Variants in ZC3H3 observed in about 807,000 individuals in gnomAD.
ZC3H3 encodes zinc finger CCCH domain-containing protein 3.
Under a neutral mutation model 77.3 loss-of-function variants are expected in ZC3H3, and 36 were observed. That is an observed-to-expected ratio of 0.47 (90% confidence interval 0.36 to 0.61). The LOEUF is 0.61. ZC3H3 is among the 20% of genes least tolerant of loss of function. ZC3H3 has a pLI of 0.00. For synonymous variants in ZC3H3, 626 were observed against 555.2 expected (o/e 1.13, Z -1.79); for missense variants, 1,331 against 1,312.2 (o/e 1.01, Z -0.22).
intron 9 of ZC3H3, among the ~76,000 whole-genome samples, chr8:143,453,901 G>A (rs1586879440): frequency 6.6e-6 from 1 of 152,144 alleles, no homozygotes; most frequent in Non-Finnish European, 1.5e-5. Flanking sequence ...GACACCACCA[G>A]CAGACGTGGA....
At chr8:143,444,038 G>A (rs539693220) in intron 9 of ZC3H3, among the ~76,000 whole-genome samples, 37 of 149,360 alleles carry the variant, frequency 2.5e-4, no homozygotes, top group Admixed American at 2.1e-3. Flanking sequence ...GCAGTGGCAC[G>A]ATCTCGGCTC....
rs573133988 is a variant in ZC3H3 at position 143,460,249 on chromosome 8, A to AAAGTAAAT, written c.2307+5467_2307+5468insATTTACTT. Among the ~76,000 whole-genome samples, 1 of 144,224 alleles carries AAAGTAAAT rather than the reference A, an allele frequency of 6.9e-6. No individual in the cohort carries two copies. Among genetic ancestry groups the AAAGTAAAT allele is most frequent in the East Asian group, 2.0e-4 (1 of 4,906 alleles). The allele number at this position is 144,224 out of a possible 152,430, so 94.6% of individuals were successfully genotyped here. A position where few individuals can be genotyped will look rare whatever the true frequency, so the allele number is the denominator to read the frequency against. On this transcript the variant is annotated intron_variant, in intron 9 of 11. Transcript: ENST00000262577. This position sits in a 1 kb window ranked among gnomAD's most constrained non-coding sequence, Gnocchi z 4.0. ...GGCGACAGAGTGAGACTATGTCTCA[A>AAAGTAAAT]AAATAAATAAATAAATAAATAAATA...
intron 4 of ZC3H3, among the ~76,000 whole-genome samples, chr8:143,489,456 AGCCCCGCCCACCACCGCCTG>A (rs372090146): frequency 2.8e-4 from 43 of 152,176 alleles, no homozygotes; most frequent in African/African-American, 9.9e-4. Context: ...TGGGCCACGG[AGCCCCGCCCACCACCGCCTG>A]GCCCCGCCCA....
chr8:143,480,810 G>C (rs1394448505), intron 4 of ZC3H3, among the ~76,000 whole-genome samples: 1 of 152,218 alleles, frequency 6.6e-6, no homozygotes, highest in Non-Finnish European at 1.5e-5. Flanking sequence ...CTGGTAGTCA[G>C]CGTGACTGGC....
intron 3 of ZC3H3, among the ~76,000 whole-genome samples, chr8:143,529,455 G>A (rs900942943): frequency 2.0e-5 from 3 of 152,188 alleles, no homozygotes; most frequent in Non-Finnish European, 2.9e-5. Context: ...AGAAAGGATC[G>A]TGTGCACAGG....
chr8:143,478,709 C>T (rs1177352228), intron 4 of ZC3H3, among the ~76,000 whole-genome samples: 1 of 152,182 alleles, frequency 6.6e-6, no homozygotes, highest in Non-Finnish European at 1.5e-5. Context: ...GGTGTTTCAC[C>T]CCATTGGCCA....
chr8:143,438,173 C>T (rs995118088), intron 11 of ZC3H3, 86 bp from the exon 12 acceptor site: 154 of 1,526,752 alleles, frequency 1.0e-4, no homozygotes, highest in Non-Finnish European at 1.3e-4. Flanking sequence ...GGCTCAGGAT[C>T]GGGGGGCTCT....
chr8:143,440,303 C>T lies in ZC3H3; in HGVS notation c.2553G>A (p.Ala851=), dbSNP rs201741379. ...AGTGGGGAGGTGCAGCCACGGCAGCCGCAGTGAGGGCAGCCGAGCTGGGCG... is the reference window on the plus strand; with the variant it reads ...AGTGGGGAGGTGCAGCCACGGCAGCTGCAGTGAGGGCAGCCGAGCTGGGCG... ...RQTPSSAALT[A]AAVAAPPHCP... is the part of the protein sequence containing the mutation. Residue 851 remains alanine, a synonymous_variant, in exon 11 of 12, where the codon GCG becomes GCA. Transcript: ENST00000262577. 1.2e-5 allele frequency: 19 copies of T among 1,564,288 alleles called. No individual in the cohort carries two copies. Among genetic ancestry groups the T allele is most frequent in the Non-Finnish European group, 1.5e-5 (17 of 1,152,388 alleles).
chr8:143,488,975 G>A (rs1227979854), intron 4 of ZC3H3, among the ~76,000 whole-genome samples: 3 of 152,240 alleles, frequency 2.0e-5, no homozygotes, highest in Non-Finnish European at 4.4e-5. Flanking sequence ...CGTGGCTGCT[G>A]ACGCTGACGA....
intron 3 of ZC3H3, among the ~76,000 whole-genome samples, chr8:143,512,809 G>A (rs985861909): frequency 1.3e-5 from 2 of 152,248 alleles, no homozygotes; most frequent in Non-Finnish European, 2.9e-5. Flanking sequence ...CTCCCACAGA[G>A]CAGAGTTCCC....
Position 143,475,453 on chromosome 8 carries a change from G to A in ZC3H3, c.1848C>T (p.Leu616=), listed in dbSNP as rs1820706524. The A allele has an allele frequency of 6.2e-7, 1 of 1,613,252 alleles. No homozygotes were observed. Among genetic ancestry groups the A allele is most frequent in the South Asian group, 1.1e-5 (1 of 91,084 alleles). The change falls in exon 5 of 12, where the codon CTC becomes CTT. Residue 616 remains leucine (L), a synonymous_variant. Coordinates refer to ENST00000262577, the MANE Select transcript of ZC3H3 (RefSeq NM_015117.3). The part of the protein sequence containing the change: ...GVLYKVSANK[L]SKTSGQPSDA... ...CACTGGGCTGGCCGGAGGTCTTGGA[G>A]AGCTTGTTGGCAGATACTTTGTAGA...
intron 3 of ZC3H3, among the ~76,000 whole-genome samples, chr8:143,535,006 GAGCCGTCTGA>G (rs1822748016): frequency 6.6e-6 from 1 of 151,878 alleles, no homozygotes; most frequent in African/African-American, 2.4e-5. Flanking sequence ...GCTCCTTCCA[GAGCCGTCTGA>G]AGCCTCCCTA....
At chr8:143,459,644 C>A (rs1241189414) in intron 9 of ZC3H3, among the ~76,000 whole-genome samples, 1 of 152,108 alleles carries the variant, frequency 6.6e-6, no homozygotes, top group Non-Finnish European at 1.5e-5. Flanking sequence ...GAGATTGTGA[C>A]TGACTGTGAT....
intron 4 of ZC3H3, among the ~76,000 whole-genome samples, chr8:143,483,838 T>C (rs534836415): frequency 1.8e-4 from 27 of 152,346 alleles, no homozygotes; most frequent in Non-Finnish European, 3.7e-4. Flanking sequence ...TCCAGGTACC[T>C]GGGGCAGTAG....
At chr8:143,537,707 T>C (rs1822847409) in intron 2 of ZC3H3, among the ~76,000 whole-genome samples, 1 of 152,238 alleles carries the variant, frequency 6.6e-6, no homozygotes, top group Non-Finnish European at 1.5e-5. Flanking sequence ...CTGTGAACCC[T>C]GTGCAACTGG....
At chr8:143,519,031 C>T (rs1822153827) in intron 3 of ZC3H3, among the ~76,000 whole-genome samples, 1 of 152,220 alleles carries the variant, frequency 6.6e-6, no homozygotes, top group Non-Finnish European at 1.5e-5. Context: ...GCACAGTGAG[C>T]GAGGGACCCT....
rs371537335 is a variant in ZC3H3 at position 143,468,459 on chromosome 8, G to A, written c.2028C>T (p.Tyr676=). The change falls in exon 7 of 12, where the codon TAC becomes TAT. Residue 676 remains tyrosine, a synonymous_variant. Coordinates refer to ENST00000262577, the MANE Select transcript of ZC3H3 (RefSeq NM_015117.3). ...CACGGTTGCACCTGCCGAAGCGGTT[G>A]TAGTACATGCAGTACTCCTTCCTCT... The part of the protein sequence containing the change: ...REKRKEYCMY[Y]NRFGRCNRGE... The A allele has an allele frequency of 3.1e-6, 5 of 1,610,068 alleles. No homozygotes were observed. In the African/African-American group the frequency reaches 6.7e-5, roughly 22 times the overall value.
At position 143,440,099 on chromosome 8, in the gene ZC3H3, C is replaced by T. The variant is rs776105231; in HGVS notation, c.2757G>A (p.Pro919=). 4.0e-5 allele frequency: 65 copies of T among 1,606,092 alleles called. No individual in the cohort carries two copies. The highest frequency in any genetic ancestry group is 4.9e-5 in the Non-Finnish European group (58 of 1,177,550). ...LPSFISLQSS[P]SPGAQPRVRA... is the part of the protein sequence containing the mutation. ...GGACCCTGGGCTGGGCTCCTGGGCT[C>T]GGCGAGGACTGCAGGGAGATGAAGG... The change falls in exon 11 of 12, where the codon CCG becomes CCA. Residue 919 remains proline (P), a synonymous_variant. Transcript: ENST00000262577.
At chr8:143,447,086 C>T (rs1433208977) in intron 9 of ZC3H3, among the ~76,000 whole-genome samples, 1 of 152,258 alleles carries the variant, frequency 6.6e-6, no homozygotes, top group Admixed American at 6.5e-5. Context: ...CAAGAGCAGG[C>T]TGATTTGCCC....
Sources: allele counts gnomAD v4.1 joint callset (sites outside exome capture counted in the v4.1 genomes callset), GRCh38; gene constraint gnomAD v4.1.1; non-coding constraint Gnocchi (gnomAD v3.1); transcripts MANE v1.5; gene names NCBI Gene and HGNC (gene_info 2026-07-23, HGNC 2026-07-21).